Variants in EXOSC9 observed in about 807,000 individuals in gnomAD.
EXOSC9 encodes the protein exosome complex component RRP45.
EXOSC9 carries 38 observed loss-of-function variants against 56.5 expected under a neutral mutation model. The observed-to-expected ratio is 0.67, with a 90% CI of 0.52 to 0.88. The LOEUF (loss-of-function observed/expected upper bound fraction) is 0.88, where lower values mean the gene tolerates loss of function less well. Among genes scored for constraint, EXOSC9 ranks in the 40% least tolerant of loss-of-function variants. The pLI is 0.00. For synonymous variants in EXOSC9, 170 were observed against 170.8 expected, an observed-to-expected ratio of 0.99 and a Z score of 0.04; for missense variants, 559 against 530.5, an observed-to-expected ratio of 1.05 and a Z score of -0.53.
chr4:121,807,496 A>T (rs1171012489), intron 5 of EXOSC9, 44 bp from the exon 6 acceptor site: 1 of 1,252,936 alleles, frequency 8.0e-7, no homozygotes, highest in Admixed American at 1.9e-5. Flanking sequence ...TTGGATGTTC[A>T]TAACTTAGTG....
chr4:121,815,001 A>G (rs1479730236), intron 10 of EXOSC9: 2 of 152,202 alleles, frequency 1.3e-5, no homozygotes, highest in Admixed American at 6.5e-5. Context: ...ATGTAATGCA[A>G]ATACTTCTGT....
chr4:121,803,885 A>T (rs1190691196), intron 4 of EXOSC9, among the ~76,000 whole-genome samples: 1 of 152,112 alleles, frequency 6.6e-6, no homozygotes, highest in Admixed American at 6.6e-5. Context: ...ATCCCAGAGA[A>T]GTCATTTAGC....
chr4:121,804,994 G>T (rs1476065020), intron 5 of EXOSC9, among the ~76,000 whole-genome samples: 2 of 152,202 alleles, frequency 1.3e-5, no homozygotes, highest in African/African-American at 2.4e-5. Context: ...TTCCAGAATA[G>T]AATTAGATGA....
At position 121,813,905 on chromosome 4, in the gene EXOSC9, A is replaced by C. The variant is rs762201983; in HGVS notation, c.1014A>C (p.Gln338His). Residue 338 changes from glutamine to histidine, a missense_variant, in exon 10 of 12, where the codon CAA becomes CAC. Coordinates refer to ENST00000243498, the MANE Select transcript of EXOSC9 (RefSeq NM_005033.3). ...TPVLWTPGTA[Q>H]IGEGVENSWG... is the part of the protein sequence containing the mutation. The stretch of plus-strand genomic sequence containing the variant: ...TGCTATGGACTCCTGGAACTGCCCA[A>C]ATTGGAGAGGGAGTAGAAAACTCCT... 6.2e-7 allele frequency: 1 copy of C among 1,613,520 alleles called. No individual in the cohort carries two copies.
chr4:121,802,145 C>G (rs1388441700), intron 2 of EXOSC9, among the ~76,000 whole-genome samples: 1 of 152,166 alleles, frequency 6.6e-6, no homozygotes, highest in African/African-American at 2.4e-5. Context: ...TCTTTTCTGA[C>G]TTCTATAAAT....
Position 121,815,810 on chromosome 4 carries a change from A to G in EXOSC9, c.1157-559A>G, listed in dbSNP as rs111328820. 1.6e-3 allele frequency: 1,614 copies of G among 1,028,468 alleles called. 20 individuals are homozygous for G. The African/African-American group carries it at 0.026, about 16-fold the overall frequency. 63.7% of individuals were successfully genotyped at this position (1,028,468 alleles called of 1,614,324 possible). On this transcript the variant is annotated intron_variant, in intron 10 of 11. Coordinates refer to ENST00000243498, the MANE Select transcript of EXOSC9 (RefSeq NM_005033.3). ...TTCAGTTGTCTCTACAAAAGATGCT[A>G]TATACATTTCCCCCTAGCTTTTCTA... is the stretch of plus-strand genomic sequence containing the variant.
intron 6 of EXOSC9, among the ~76,000 whole-genome samples, chr4:121,808,800 C>T (rs2149036773): frequency 6.6e-6 from 1 of 151,260 alleles, no homozygotes; most frequent in East Asian, 2.0e-4. Context: ...GCCTCAGCCT[C>T]CTGAGTAGCT....
chr4:121,803,142 A>G (rs948488867), intron 4 of EXOSC9, 125 bp downstream of exon 4: 2 of 685,422 alleles, frequency 2.9e-6, no homozygotes, highest in East Asian at 2.8e-5. Context: ...TTCACTTCAG[A>G]TGTTCTTGAG....
In EXOSC9 at chr4:121,813,924, A is replaced by G. The variant is rs201123592; in HGVS notation, c.1033A>G (p.Asn345Asp). Residue 345 changes from asparagine to aspartate, a missense_variant, in exon 10 of 12, where the codon AAC (asparagine) becomes GAC (aspartate). By Grantham distance (23) the Asn-to-Asp change is conservative (BLOSUM62 1). Coordinates refer to ENST00000243498, the MANE Select transcript of EXOSC9 (RefSeq NM_005033.3). ...GTAQIGEGVE[N>D]SWGDLEDSEK... ...TGCCCAAATTGGAGAGGGAGTAGAA[A>G]ACTCCTGGGGTGATCTTGAAGACTC... 8.1e-6 allele frequency: 13 copies of G among 1,613,070 alleles called. No individual in the cohort carries two copies. The highest frequency in any genetic ancestry group is 8.0e-5 in the African/African-American group (6 of 74,976).
intron 4 of EXOSC9, among the ~76,000 whole-genome samples, chr4:121,804,175 ACTT>A (rs1726952487): frequency 7.1e-6 from 1 of 140,006 alleles, no homozygotes; most frequent in African/African-American, 2.7e-5. Context: ...TAACTAAAAA[ACTT>A]TTTTTTTTTT....
In EXOSC9 at chr4:121,816,905, T is replaced by C. The variant is rs148015288; in HGVS notation, c.*49T>C. 3.7e-5 allele frequency: 53 copies of C among 1,443,324 alleles called. No individual in the cohort carries two copies. In the South Asian group the frequency reaches 6.9e-4, roughly 19 times the overall value. The allele number at this position is 1,443,324 out of a possible 1,614,324, so 89.4% of individuals were successfully genotyped here. ...ATATAACTATTAAAAGGGATATTTA[T>C]TCCATTCTGAGAACCCTGGGTATTT... On this transcript the variant is annotated 3_prime_UTR_variant, in exon 12 of 12. Transcript: ENST00000243498.
chr4:121,804,635 G>T lies in EXOSC9; in HGVS notation c.398G>T (p.Arg133Leu). 1 of 1,596,536 alleles carries T rather than the reference G, an allele frequency of 6.3e-7. No individual in the cohort carries two copies. The highest frequency in any genetic ancestry group is 8.6e-7 in the Non-Finnish European group (1 of 1,165,516). ...VVAGEKVWQI[R>L]VDLHLLNHDG... ...ATTCACTATCAGGTTTGGCAAATAC[G>T]TGTAGACCTACATTTATTAAATCAT... The change falls in exon 5 of 12, where the codon CGT becomes CTT. Residue 133 changes from arginine to leucine, a missense_variant. Coordinates refer to ENST00000243498, the MANE Select transcript of EXOSC9 (RefSeq NM_005033.3).
chr4:121,816,989 A>C lies in EXOSC9; in HGVS notation c.*133A>C. The C allele has an allele frequency of 1.1e-6, 1 of 916,796 alleles. No individual in the cohort carries two copies. The highest frequency in any genetic ancestry group is 1.6e-6 in the Non-Finnish European group (1 of 644,174). The allele number at this position is 916,796 out of a possible 1,614,324, so 56.8% of individuals were successfully genotyped here. On this transcript the variant is annotated 3_prime_UTR_variant, in exon 12 of 12. Transcript: ENST00000243498. ...ATTTTAAAAATAGTTTTTTGTTTTT[A>C]ATGTGCTTTAAAATAATAAACCTTC...
At chr4:121,808,073 C>G (rs1042693124) in intron 6 of EXOSC9, among the ~76,000 whole-genome samples, 1 of 152,166 alleles carries the variant, frequency 6.6e-6, no homozygotes, top group African/African-American at 2.4e-5. Flanking sequence ...GGAAAAAAAT[C>G]TAATGTTCTT....
intron 6 of EXOSC9, among the ~76,000 whole-genome samples, chr4:121,809,245 C>G (rs1284195709): frequency 6.6e-6 from 1 of 152,052 alleles, no homozygotes; most frequent in East Asian, 1.9e-4. Flanking sequence ...TCCTGACCTC[C>G]CAAAGTGCTG....
rs771429379 is a variant in EXOSC9, at chr4:121,816,835, A to AAAGAAGAG, written c.1301_1308dup (p.Ala437ArgfsTer41). 20 of 1,596,418 alleles carry AAAGAAGAG rather than the reference A, an allele frequency of 1.3e-5. No individual in the cohort carries two copies. Among genetic ancestry groups the AAAGAAGAG allele is most frequent in the Non-Finnish European group, 1.6e-5 (19 of 1,169,360 alleles). On this transcript the variant is annotated frameshift_variant, in exon 12 of 12. Transcript: ENST00000243498. LOFTEE classifies it high-confidence loss of function. ...GTAAAAAGCCAGTGAAAAGAAGAAA[A>AAAGAAGAG]AAGAAGAGAGCTGCCAATTAAAGCT...
At chr4:121,810,186 A>T (rs1727171695) in intron 7 of EXOSC9, 87 bp downstream of exon 7, 1 of 1,140,946 alleles carries the variant, frequency 8.8e-7, no homozygotes, top group Non-Finnish European at 1.3e-6. Flanking sequence ...TCCAATGGGG[A>T]TACTTCCAGT....
intron 6 of EXOSC9, among the ~76,000 whole-genome samples, chr4:121,808,674 T>C (rs1727117471): frequency 6.7e-6 from 1 of 148,864 alleles, no homozygotes; most frequent in African/African-American, 2.6e-5. Context: ...TTTCTTTTTC[T>C]TTTCTTTTCT....
chr4:121,804,106 T>A (rs1409285937), intron 4 of EXOSC9, among the ~76,000 whole-genome samples: 3 of 151,914 alleles, frequency 2.0e-5, no homozygotes, highest in Non-Finnish European at 4.4e-5. Context: ...GCTCAAGAGA[T>A]CCTCTCTCCT....
Sources: gnomAD v4.1 joint callset for allele counts (sites outside exome capture counted in the v4.1 genomes callset) on GRCh38, gnomAD v4.1.1 for gene constraint, MANE v1.5 for transcripts, NCBI Gene and HGNC (gene_info 2026-07-23, HGNC 2026-07-21) for gene names.